RIT2: variants seen among roughly 807,000 people sequenced by gnomAD.
RIT2 encodes the protein GTP-binding protein Rit2.
Under a neutral mutation model 23.7 loss-of-function variants are expected in RIT2, and 24 were observed. That is an observed-to-expected ratio of 1.01 (90% CI 0.73 to 1.43). RIT2 has a LOEUF of 1.43. Ranked by LOEUF, RIT2 falls within the 40% of genes most tolerant of loss-of-function variation. The pLI is 0.00. For missense variants in RIT2, 236 were observed against 266.9 expected (o/e 0.88, Z 0.81); for synonymous variants, 107 against 91.1 (o/e 1.17, Z -0.99).
intron 1 of RIT2, among the ~76,000 whole-genome samples, chr18:43,050,455 G>C (rs960899510): frequency 1.3e-5 from 2 of 152,092 alleles, no homozygotes; most frequent in Non-Finnish European, 2.9e-5. Flanking sequence ...AAAGGTGAAG[G>C]CTGCACAGAA....
intron 4 of RIT2, among the ~76,000 whole-genome samples, chr18:42,837,474 T>TAA (rs1555641179): frequency 6.7e-6 from 1 of 149,298 alleles, no homozygotes. Flanking sequence ...GCCTCTTTTT[T>TAA]AAAAAAAAAA....
chr18:42,845,104 C>T (rs1455105232), intron 4 of RIT2, among the ~76,000 whole-genome samples: 1 of 150,956 alleles, frequency 6.6e-6, no homozygotes. Context: ...TATGGGATTG[C>T]AATTCAGCAA....
At chr18:42,860,323 G>A (rs748450548) in intron 4 of RIT2, among the ~76,000 whole-genome samples, 1 of 152,160 alleles carries the variant, frequency 6.6e-6, no homozygotes, top group Non-Finnish European at 1.5e-5. Flanking sequence ...AGAAGGAGAT[G>A]GGAATGGGGC....
chr18:43,048,830 C>T (rs1487408007), intron 1 of RIT2, among the ~76,000 whole-genome samples: 1 of 152,110 alleles, frequency 6.6e-6, no homozygotes, highest in East Asian at 1.9e-4. Flanking sequence ...TGGTGTTTCG[C>T]TTTAATGAAT....
intron 3 of RIT2, among the ~76,000 whole-genome samples, chr18:42,932,007 T>C (rs1229429793): frequency 6.6e-6 from 1 of 152,186 alleles, no homozygotes; most frequent in Non-Finnish European, 1.5e-5. Context: ...AAATACTGAA[T>C]ACAAAATAAA....
intron 3 of RIT2, among the ~76,000 whole-genome samples, chr18:42,929,054 T>C (rs1241669043): frequency 6.9e-6 from 1 of 145,538 alleles, no homozygotes; most frequent in African/African-American, 2.5e-5. Context: ...TATATATATA[T>C]ATATTTATAT....
chr18:42,830,590 C>T (rs1375029861), intron 4 of RIT2, among the ~76,000 whole-genome samples: 1 of 152,090 alleles, frequency 6.6e-6, no homozygotes, highest in Non-Finnish European at 1.5e-5. Flanking sequence ...GTGTATAGAG[C>T]CAAGCTCTAC....
At chr18:42,861,385 C>G (rs1907323705) in intron 4 of RIT2, among the ~76,000 whole-genome samples, 1 of 152,316 alleles carries the variant, frequency 6.6e-6, no homozygotes, top group South Asian at 2.1e-4. Flanking sequence ...ATTTGAGCAG[C>G]AGCAGCAATC....
chr18:42,817,392 AATT>A (rs1035821357), intron 4 of RIT2, among the ~76,000 whole-genome samples: 5 of 152,314 alleles, frequency 3.3e-5, no homozygotes, highest in African/African-American at 1.2e-4. Flanking sequence ...TTAGTTTCAC[AATT>A]ATTATCCAAC....
At chr18:42,934,425 T>C (rs1194964838) in intron 3 of RIT2, among the ~76,000 whole-genome samples, 1 of 152,150 alleles carries the variant, frequency 6.6e-6, no homozygotes, top group Non-Finnish European at 1.5e-5. Flanking sequence ...ATTATTAGGT[T>C]AGAGCCAGGA....
At position 42,860,378 on chromosome 18, in the gene RIT2, A is replaced by T. The variant is rs373237830; in HGVS notation, c.426+63194T>A. Among the ~76,000 whole-genome samples, 19 of 152,340 alleles carry T rather than the reference A, an allele frequency of 1.2e-4. No individual in the cohort carries two copies. The East Asian group carries it at 3.7e-3, about 29-fold the overall frequency. On this transcript the variant is annotated intron_variant, in intron 4 of 4. Coordinates refer to ENST00000326695, the MANE Select transcript of RIT2 (RefSeq NM_002930.4). ...GCTTGTTGTTCTTACAGAGATTCAG[A>T]CATTTTTCTTTAATAAGTACTCATA...
At chr18:43,078,932 C>T (rs1225815945) in intron 1 of RIT2, among the ~76,000 whole-genome samples, 1 of 151,792 alleles carries the variant, frequency 6.6e-6, no homozygotes, top group East Asian at 1.9e-4. Context: ...AAAGATGTGC[C>T]CTGGCTGGAC....
intron 2 of RIT2, among the ~76,000 whole-genome samples, chr18:42,989,523 C>A (rs1348599706): frequency 6.6e-6 from 1 of 152,102 alleles, no homozygotes. Flanking sequence ...TGTCTGCAAG[C>A]AATATGGAAA....
At chr18:43,081,925 A>T (rs1913166777) in intron 1 of RIT2, among the ~76,000 whole-genome samples, 2 of 151,800 alleles carry the variant, frequency 1.3e-5, no homozygotes, top group Admixed American at 6.6e-5. Flanking sequence ...GACTACTTAC[A>T]TCAAACATCC....
rs143753256 is a variant in RIT2 at position 42,766,739 on chromosome 18, G to A, written c.427-23019C>T. The stretch of plus-strand genomic sequence containing the variant: ...CAGCCCCTCCTATCACTGGCCTGGA[G>A]GCCCAGGAGGAAAAAGTGGTTTCAT... On this transcript the variant is annotated intron_variant, in intron 4 of 4. Coordinates refer to ENST00000326695, the MANE Select transcript of RIT2 (RefSeq NM_002930.4). Among the ~76,000 whole-genome samples the A allele has an allele frequency of 3.8e-3, 582 of 152,270 alleles. 6 individuals are homozygous for A. The highest frequency in any genetic ancestry group is 0.014 in the African/African-American group (564 of 41,568).
chr18:42,860,930 G>T (rs984517878), intron 4 of RIT2, among the ~76,000 whole-genome samples: 3 of 152,136 alleles, frequency 2.0e-5, no homozygotes, highest in Admixed American at 6.5e-5. Flanking sequence ...ATTAGGCTTT[G>T]TGTTTATAAA....
At chr18:42,974,219 A>G in intron 2 of RIT2, 72 bp from the exon 3 acceptor site, 1 of 1,014,176 alleles carries the variant, frequency 9.9e-7, no homozygotes, top group Non-Finnish European at 1.5e-6. Context: ...GATTTCATAT[A>G]GAAGAATTTC....
At chr18:42,760,510 A>C (rs1913275060) in intron 4 of RIT2, among the ~76,000 whole-genome samples, 1 of 152,200 alleles carries the variant, frequency 6.6e-6, no homozygotes, top group African/African-American at 2.4e-5. Context: ...TATCCTCCAC[A>C]GAAGCAGCTG....
At chr18:42,784,783 AG>A (rs957877916) in intron 4 of RIT2, among the ~76,000 whole-genome samples, 2 of 152,104 alleles carry the variant, frequency 1.3e-5, no homozygotes, top group African/African-American at 4.8e-5. Context: ...TAGCATTCTT[AG>A]GGAGTTACAT....
Sources: allele counts gnomAD v4.1 joint callset (sites outside exome capture counted in the v4.1 genomes callset), GRCh38; gene constraint gnomAD v4.1.1; transcripts MANE v1.5; gene names NCBI Gene and HGNC (gene_info 2026-07-23, HGNC 2026-07-21).